TPRG1: variants seen among roughly 807,000 people sequenced by gnomAD.
The protein encoded by TPRG1 is tumor protein p63-regulated gene 1 protein.
Under a neutral mutation model 29.3 loss-of-function variants are expected in TPRG1, and 29 were observed. That is an observed-to-expected ratio of 0.99 (90% confidence interval 0.74 to 1.35). The LOEUF is 1.35. TPRG1 is among the 40% of genes most tolerant of loss of function. The pLI is 0.00. For missense variants in TPRG1, 327 were observed against 335.0 expected, an observed-to-expected ratio of 0.98 and a Z score of 0.19; for synonymous variants, 130 against 116.8, an observed-to-expected ratio of 1.11 and a Z score of -0.73.
At chr3:189,089,469 T>A (rs1560437776) in intron 4 of TPRG1, among the ~76,000 whole-genome samples, 2 of 152,240 alleles carry the variant, frequency 1.3e-5, no homozygotes, top group Non-Finnish European at 2.9e-5. Context: ...TTTAGTCTAT[T>A]TTCCACTGCT....
At position 189,088,968 on chromosome 3, in the gene TPRG1, A is replaced by ATATCTATCTATC. The variant is rs36139441; in HGVS notation, c.-462-38053_-462-38042dup. Among the ~76,000 whole-genome samples, 76 of 149,000 alleles carry ATATCTATCTATC rather than the reference A, an allele frequency of 5.1e-4. 1 individual carries two copies. Among genetic ancestry groups the ATATCTATCTATC allele is most frequent in the Admixed American group, 1.0e-3 (15 of 14,876 alleles). Reference sequence around the variant, plus strand: ...CTGTCAGATATATGTGTATCTATTGATATCTATCTATCTATCTATCTATCT... The same window carrying ATATCTATCTATC: ...CTGTCAGATATATGTGTATCTATTGATATCTATCTATCTATCTATCTATCTATCTATCTATCT... On this transcript the variant is annotated intron_variant, in intron 4 of 10. Transcript: ENST00000433971.
chr3:189,024,823 T>A (rs1713570997), intron 4 of TPRG1, among the ~76,000 whole-genome samples: 2 of 152,130 alleles, frequency 1.3e-5, no homozygotes, highest in Admixed American at 6.5e-5. Context: ...TGATAAAGCA[T>A]CTGTGCTGTG....
chr3:189,171,768 A>G (rs1307269045), upstream of TPRG1, among the ~76,000 whole-genome samples: 1 of 152,200 alleles, frequency 6.6e-6, no homozygotes, highest in Non-Finnish European at 1.5e-5. Flanking sequence ...CTGCTCCCTC[A>G]GCTGGATGTG....
chr3:189,159,038 G>A (rs181111155), intron 5 of TPRG1, among the ~76,000 whole-genome samples: 25 of 151,802 alleles, frequency 1.6e-4, no homozygotes, highest in African/African-American at 4.1e-4. Context: ...TGCTGTCTCC[G>A]GGATTTTCTT....
At chr3:189,211,322 G>A (rs1735225101) in intron 2 of TPRG1, among the ~76,000 whole-genome samples, 1 of 152,130 alleles carries the variant, frequency 6.6e-6, no homozygotes, top group Admixed American at 6.6e-5. Flanking sequence ...CCTGAGGCAG[G>A]ATATTGCTCA....
At chr3:189,242,838 C>G (rs1169064996) in intron 4 of TPRG1, among the ~76,000 whole-genome samples, 3 of 151,792 alleles carry the variant, frequency 2.0e-5, no homozygotes, top group Non-Finnish European at 2.9e-5. Flanking sequence ...GAGGCCCTCC[C>G]ATCACAGGTC....
At chr3:189,283,770 C>A (rs1233128247) in intron 4 of TPRG1, among the ~76,000 whole-genome samples, 1 of 152,136 alleles carries the variant, frequency 6.6e-6, no homozygotes, top group African/African-American at 2.4e-5. Flanking sequence ...CAATTATTTT[C>A]TTCCTTTAAA....
At chr3:189,204,037 C>CAA (rs35367828) in intron 1 of TPRG1, among the ~76,000 whole-genome samples, 2,651 of 87,292 alleles carry the variant, frequency 0.03, 122 homozygotes, top group African/African-American at 0.046. Context: ...GAGACTGTCT[C>CAA]AAAAAAAAAA....
chr3:189,281,639 AAG>A (rs971327840), intron 4 of TPRG1, among the ~76,000 whole-genome samples: 4 of 152,166 alleles, frequency 2.6e-5, no homozygotes, highest in African/African-American at 9.6e-5. Context: ...ATCATAATAT[AAG>A]AAGTATTTTT....
chr3:189,242,579 CA>C (rs1399589429), intron 4 of TPRG1, among the ~76,000 whole-genome samples: 1 of 152,016 alleles, frequency 6.6e-6, no homozygotes, highest in Non-Finnish European at 1.5e-5. Context: ...CTGTTATTTT[CA>C]TTTTTTAAAA....
At chr3:189,231,855 A>G (rs972773399) in intron 3 of TPRG1, among the ~76,000 whole-genome samples, 3 of 152,108 alleles carry the variant, frequency 2.0e-5, no homozygotes, top group African/African-American at 7.2e-5. Flanking sequence ...CCCTCAATAT[A>G]TGGAGGCTTC....
chr3:189,086,241 C>G (rs981491440), intron 4 of TPRG1, among the ~76,000 whole-genome samples: 2 of 152,184 alleles, frequency 1.3e-5, no homozygotes, highest in Non-Finnish European at 2.9e-5. Flanking sequence ...CTCAGCCAGT[C>G]TAGTCCTTCC....
intron 4 of TPRG1, among the ~76,000 whole-genome samples, chr3:189,078,103 T>C (rs868524747): frequency 1.6e-3 from 197 of 121,104 alleles, no homozygotes; most frequent in African/African-American, 5.1e-3. Context: ...CTTTCTTTCT[T>C]TCTTTCTTTC....
chr3:189,063,663 T>C (rs1171630281), intron 4 of TPRG1, among the ~76,000 whole-genome samples: 2 of 152,122 alleles, frequency 1.3e-5, no homozygotes, highest in African/African-American at 2.4e-5. Flanking sequence ...AATACTTTAT[T>C]GGTCAAAAAG....
intron 4 of TPRG1, among the ~76,000 whole-genome samples, chr3:189,302,451 C>G (rs1720986882): frequency 6.6e-6 from 1 of 151,996 alleles, no homozygotes; most frequent in Non-Finnish European, 1.5e-5. Context: ...GGAGTTATAC[C>G]CTAAAAGGTT....
At chr3:189,089,467 A>G (rs138959160) in intron 4 of TPRG1, among the ~76,000 whole-genome samples, 38 of 152,248 alleles carry the variant, frequency 2.5e-4, no homozygotes, top group Middle Eastern at 6.8e-3. Context: ...ATTTTAGTCT[A>G]TTTTCCACTG....
intron 2 of TPRG1, among the ~76,000 whole-genome samples, chr3:189,213,476 A>G (rs188944365): frequency 2.0e-4 from 31 of 152,326 alleles, no homozygotes; most frequent in African/African-American, 7.2e-4. Context: ...TCTGTGTTCT[A>G]TAAGGGCTTG....
chr3:189,088,224 T>G (rs989439006), intron 4 of TPRG1, among the ~76,000 whole-genome samples: 1 of 152,198 alleles, frequency 6.6e-6, no homozygotes, highest in Non-Finnish European at 1.5e-5. Flanking sequence ...TTCACATCCC[T>G]TGTAAGTTGG....
intron 4 of TPRG1, among the ~76,000 whole-genome samples, chr3:189,039,568 C>A (rs1714498400): frequency 6.6e-6 from 1 of 152,160 alleles, no homozygotes; most frequent in Non-Finnish European, 1.5e-5. Context: ...CTTAGAGGCC[C>A]CAACAGAAAT....
Sources: allele counts gnomAD v4.1 joint callset (sites outside exome capture counted in the v4.1 genomes callset), GRCh38; gene constraint gnomAD v4.1.1; transcripts MANE v1.5; gene names NCBI Gene and HGNC (gene_info 2026-07-23, HGNC 2026-07-21).